Variants in ECHDC3 observed in about 807,000 individuals in gnomAD.
ECHDC3 encodes enoyl-CoA hydratase domain-containing protein 3, mitochondrial.
A neutral mutation model predicts 17.9 loss-of-function variants in ECHDC3; 20 were observed. The observed-to-expected ratio is 1.12, with a 90% CI of 0.79 to 1.63. The LOEUF (loss-of-function observed/expected upper bound fraction) is 1.63, where lower values mean the gene tolerates loss of function less well. ECHDC3 is among the 40% of genes most tolerant of loss of function. ECHDC3 has a pLI of 0.00. For missense variants in ECHDC3, 407 were observed against 357.7 expected (o/e 1.14, Z -1.11); for synonymous variants, 177 against 149.7 (o/e 1.18, Z -1.33).
At chr10:11,755,629 C>T in intron 4 of ECHDC3, 21 bp downstream of exon 4, 1 of 1,590,974 alleles carries the variant, frequency 6.3e-7, no homozygotes, top group South Asian at 1.1e-5. Flanking sequence ...TCCCCCCACC[C>T]ACCTCTGCCT....
At position 11,755,419 on chromosome 10, in the gene ECHDC3, C is replaced by A. The variant is rs771499308; in HGVS notation, c.402C>A (p.His134Gln). 9 of 1,611,010 alleles carry A rather than the reference C, an allele frequency of 5.6e-6. No homozygotes were observed. In the South Asian group the frequency reaches 7.7e-5, roughly 14 times the overall value. ...VFQTCSKVMM[H>Q]IRNHPVPVIA... ...TGTTTGTCCCGCAGGTCATGATGCA[C>A]ATCCGGAACCACCCCGTTCCCGTCA... is the stretch of plus-strand genomic sequence containing the variant. Residue 134 changes from histidine (H) to glutamine (Q), a missense_variant, in exon 4 of 5, where the codon CAC becomes CAA. Transcript: ENST00000379215.
chr10:11,747,273 A>G, intron 1 of ECHDC3, 76 bp from the exon 2 acceptor site: 2 of 1,571,874 alleles, frequency 1.3e-6, no homozygotes, highest in South Asian at 1.2e-5. Context: ...TACCTCCTAA[A>G]TTAGACAGGA....
intron 4 of ECHDC3, among the ~76,000 whole-genome samples, chr10:11,762,574 G>A (rs1236494138): frequency 6.6e-6 from 1 of 152,194 alleles, no homozygotes; most frequent in Non-Finnish European, 1.5e-5. Context: ...TGAAGCAGAG[G>A]ACACGGTGAG....
rs1564285370 is a variant in ECHDC3, at chr10:11,759,374, A to AC, written c.591+3766_591+3767insC. On this transcript the variant is annotated intron_variant, in intron 4 of 4. Coordinates refer to ENST00000379215, the MANE Select transcript of ECHDC3 (RefSeq NM_024693.5). ...CATCTCTTAAAAAAAAAAAAAACAA[A>AC]AAAAAAAAACACGCAGTCCCAGAGA... Among the ~76,000 whole-genome samples, 14 of 84,814 alleles carry AC rather than the reference A, an allele frequency of 1.7e-4. 1 individual carries two copies. The highest frequency in any genetic ancestry group is 4.5e-4 in the African/African-American group (13 of 29,170). The allele number at this position is 84,814 out of a possible 152,430, so 55.6% of individuals were successfully genotyped here.
At position 11,763,465 on chromosome 10, in the gene ECHDC3, TG is replaced by T; in HGVS notation, c.835del (p.Ala279ProfsTer62). 1 of 999,646 alleles carries T rather than the reference TG, an allele frequency of 1.0e-6. No homozygotes were observed. Among genetic ancestry groups the T allele is most frequent in the Non-Finnish European group, 1.6e-6 (1 of 631,320 alleles). The allele number at this position is 999,646 out of a possible 1,614,324, so 61.9% of individuals were successfully genotyped here. A position where few individuals can be genotyped will look rare whatever the true frequency, so the allele number is the denominator to read the frequency against. ...YLTSQAMVDN[L>X]ALRDGQEGIT... ...ACCTCCCAGGCCATGGTGGACAACC[TG>T]GCCCTGCGGGACGGGCAGGAGGGCA... On this transcript the variant is annotated frameshift_variant, in exon 5 of 5. Transcript: ENST00000379215. LOFTEE classifies it high-confidence loss of function. The surrounding 1 kb of genome is among the most constrained non-coding windows in gnomAD (Gnocchi z 4.9).
rs1251917600 is a variant in ECHDC3, at chr10:11,742,519, C to T, written c.-58C>T. The T allele has an allele frequency of 2.4e-6, 3 of 1,253,050 alleles. No homozygotes were observed. The highest frequency in any genetic ancestry group is 3.1e-5 in the African/African-American group (2 of 63,848). The allele number at this position is 1,253,050 out of a possible 1,614,324, so 77.6% of individuals were successfully genotyped here. ...CTCACAGCAGCGCCCTCGGAGCGCCCAGCACCTGCGGCCGGCCAGGCAGCG... is the reference window on the plus strand; with the variant it reads ...CTCACAGCAGCGCCCTCGGAGCGCCTAGCACCTGCGGCCGGCCAGGCAGCG... On this transcript the variant is annotated 5_prime_UTR_variant, in exon 1 of 5. Transcript: ENST00000379215.
intron 3 of ECHDC3, among the ~76,000 whole-genome samples, chr10:11,754,426 TG>T (rs1832862926): frequency 6.6e-6 from 1 of 152,188 alleles, no homozygotes; most frequent in Non-Finnish European, 1.5e-5. Flanking sequence ...GGAAATGTAT[TG>T]GTTGGAGGGG....
chr10:11,763,478 C>A lies in ECHDC3; in HGVS notation c.846C>A (p.Asp282Glu). Residue 282 changes from aspartate to glutamate, a missense_variant, in exon 5 of 5, where the codon GAC (aspartate) becomes GAA (glutamate). Physicochemically the swap from Asp to Glu is conservative, Grantham distance 45. Coordinates refer to ENST00000379215, the MANE Select transcript of ECHDC3 (RefSeq NM_024693.5). This position sits in a 1 kb window ranked among gnomAD's most constrained non-coding sequence, Gnocchi z 4.9. The stretch of plus-strand genomic sequence containing the variant: ...TGGTGGACAACCTGGCCCTGCGGGA[C>A]GGGCAGGAGGGCATCACGGCCTTCC... ...QAMVDNLALR[D>E]GQEGITAFLQ... The A allele has an allele frequency of 9.0e-7, 1 of 1,112,640 alleles. No individual in the cohort carries two copies. The highest frequency in any genetic ancestry group is 1.4e-6 in the Non-Finnish European group (1 of 736,154). The allele number at this position is 1,112,640 out of a possible 1,614,324, so 68.9% of individuals were successfully genotyped here. A position where few individuals can be genotyped will look rare whatever the true frequency, so the allele number is the denominator to read the frequency against.
In ECHDC3 at chr10:11,745,155, G is replaced by A. The variant is rs529420150; in HGVS notation, c.171-2194G>A. Among the ~76,000 whole-genome samples, 14 of 152,310 alleles carry A rather than the reference G, an allele frequency of 9.2e-5. No homozygotes were observed. In the East Asian group the frequency reaches 2.5e-3, roughly 27 times the overall value. ...TGGTTGGTGAGAAGAGCTTGGGTGGGGTGGGAGGAGCTGAGCCTGGTTCCT... is the reference window on the plus strand; with the variant it reads ...TGGTTGGTGAGAAGAGCTTGGGTGGAGTGGGAGGAGCTGAGCCTGGTTCCT... On this transcript the variant is annotated intron_variant, in intron 1 of 4. Transcript: ENST00000379215.
At position 11,742,637 on chromosome 10, in the gene ECHDC3, G is replaced by C; in HGVS notation, c.61G>C (p.Gly21Arg). The C allele has an allele frequency of 7.9e-7, 1 of 1,262,564 alleles. No individual in the cohort carries two copies. 78.2% of individuals were successfully genotyped at this position (1,262,564 alleles called of 1,614,324 possible). Residue 21 changes from glycine (G) to arginine (R), a missense_variant, in exon 1 of 5, where the codon GGC becomes CGC. Transcript: ENST00000379215. The part of the protein sequence containing the change: ...GASGPMCLRR[G>R]PWAQLPARFC... ...AAGTGGGCCCATGTGTCTCCGGCGC[G>C]GCCCCTGGGCCCAGCTCCCCGCCCG...
At position 11,754,148 on chromosome 10, in the gene ECHDC3, T is replaced by C. The variant is rs183137699; in HGVS notation, c.391-1260T>C. Among the ~76,000 whole-genome samples, 498 of 152,346 alleles carry C rather than the reference T, an allele frequency of 3.3e-3. 3 individuals carry two copies. Among genetic ancestry groups the C allele is most frequent in the Non-Finnish European group, 5.4e-3 (365 of 68,038 alleles). Reference sequence around the variant, plus strand: ...CAAAAAAAGTCAAAAAGCACTACTATAGGATATGATACCATAGCCTTAAAT... The same window carrying C: ...CAAAAAAAGTCAAAAAGCACTACTACAGGATATGATACCATAGCCTTAAAT... On this transcript the variant is annotated intron_variant, in intron 3 of 4. Transcript: ENST00000379215.
At chr10:11,759,382 A>C (rs12249853) in intron 4 of ECHDC3, among the ~76,000 whole-genome samples, 29,325 of 132,186 alleles carry the variant, frequency 0.22, 3,917 homozygotes, top group East Asian at 0.42. Flanking sequence ...AAAAAAAAAA[A>C]ACACGCAGTC....
At chr10:11,753,405 CT>C (rs1034308901) in intron 3 of ECHDC3, among the ~76,000 whole-genome samples, 4 of 151,966 alleles carry the variant, frequency 2.6e-5, no homozygotes, top group African/African-American at 9.7e-5. Context: ...TAATTATATG[CT>C]TTTTTAATGT....
rs373513927 is a variant in ECHDC3 at position 11,762,426 on chromosome 10, C to T, written c.592-798C>T. On this transcript the variant is annotated intron_variant, in intron 4 of 4. Transcript: ENST00000379215. The stretch of plus-strand genomic sequence containing the variant: ...ACCAGGATTGTGAGAGCCTGAGTGA[C>T]GGGTGGGGAAGGGAAGGGCCCCTGC... Among the ~76,000 whole-genome samples the T allele has an allele frequency of 5.9e-5, 9 of 152,302 alleles. No homozygotes were observed. In the East Asian group the frequency reaches 1.2e-3, roughly 20 times the overall value.
chr10:11,749,254 C>T (rs987606863), intron 2 of ECHDC3, among the ~76,000 whole-genome samples: 1 of 152,170 alleles, frequency 6.6e-6, no homozygotes, highest in Non-Finnish European at 1.5e-5. Context: ...CTATCATTTT[C>T]CATGAAGAAA....
intron 1 of ECHDC3, among the ~76,000 whole-genome samples, chr10:11,743,961 A>G (rs1276089233): frequency 6.6e-6 from 1 of 152,212 alleles, no homozygotes; most frequent in Non-Finnish European, 1.5e-5. Flanking sequence ...AGGAAAGGAA[A>G]CTTCTTAACC....
chr10:11,763,713 G>A lies in ECHDC3; in HGVS notation c.*169G>A. The A allele has an allele frequency of 7.1e-7, 1 of 1,417,846 alleles. No homozygotes were observed. Among genetic ancestry groups the A allele is most frequent in the Non-Finnish European group, 9.2e-7 (1 of 1,089,428 alleles). 87.8% of individuals were successfully genotyped at this position (1,417,846 alleles called of 1,614,324 possible). A position where few individuals can be genotyped will look rare whatever the true frequency, so the allele number is the denominator to read the frequency against. On this transcript the variant is annotated 3_prime_UTR_variant, in exon 5 of 5. Transcript: ENST00000379215. This position sits in a 1 kb window ranked among gnomAD's most constrained non-coding sequence, Gnocchi z 4.9. Reference sequence around the variant, plus strand: ...AAAAGCCACAATTTCATGGGGAAAGGACAAAATGGAGAGTGACTGAGGTGC... The same window carrying A: ...AAAAGCCACAATTTCATGGGGAAAGAACAAAATGGAGAGTGACTGAGGTGC...
intron 1 of ECHDC3, among the ~76,000 whole-genome samples, chr10:11,744,548 T>TA (rs1259507377): frequency 6.6e-6 from 1 of 152,076 alleles, no homozygotes; most frequent in Admixed American, 6.6e-5. Context: ...CCTTGACACT[T>TA]ATCACATGCT....
rs747987364 is a variant in ECHDC3 at position 11,763,175 on chromosome 10, G to C, written c.592-49G>C. The C allele has an allele frequency of 2.0e-5, 14 of 698,834 alleles. No homozygotes were observed. The highest frequency in any genetic ancestry group is 3.2e-5 in the Non-Finnish European group (12 of 378,410). 43.3% of individuals were successfully genotyped at this position (698,834 alleles called of 1,614,324 possible). A position where few individuals can be genotyped will look rare whatever the true frequency, so the allele number is the denominator to read the frequency against. On this transcript the variant is annotated intron_variant, in intron 4 of 4. Coordinates refer to ENST00000379215, the MANE Select transcript of ECHDC3 (RefSeq NM_024693.5). The surrounding 1 kb of genome is among the most constrained non-coding windows in gnomAD (Gnocchi z 4.9). ...AGCCGAGGCGGGACTCAGGTGGCGG[G>C]GGCGGGTCACAGGAGAGCACCTCAG...
Sources: allele counts gnomAD v4.1 joint callset (sites outside exome capture counted in the v4.1 genomes callset), GRCh38; gene constraint gnomAD v4.1.1; non-coding constraint Gnocchi (gnomAD v3.1); transcripts MANE v1.5; gene names NCBI Gene and HGNC (gene_info 2026-07-23, HGNC 2026-07-21).